HOMER1: variants seen among roughly 807,000 people sequenced by gnomAD.
HOMER1 encodes the protein homer protein homolog 1.
HOMER1 carries 3 observed loss-of-function variants against 48.9 expected under a neutral mutation model. The ratio of observed to expected loss-of-function variants is 0.06; its 90% CI spans 0.03 to 0.16. HOMER1 has a LOEUF of 0.16. Among genes scored for constraint, HOMER1 ranks in the 10% least tolerant of loss-of-function variants. HOMER1 has a pLI of 1.00. For synonymous variants in HOMER1, 134 were observed against 146.4 expected (o/e 0.92, Z 0.61); for missense variants, 247 against 411.4 (o/e 0.60, Z 3.46).
In HOMER1 at chr5:79,507,137, C is replaced by T. The variant is rs557667760; in HGVS notation, c.5+5633G>A. ...CTGAGGCAGGAGAAATGCTGGAACC[C>T]GGGAGGCGGAGGTTGCAGTGAGCCA... is the stretch of plus-strand genomic sequence containing the variant. On this transcript the variant is annotated intron_variant, in intron 1 of 8. Coordinates refer to ENST00000334082, the MANE Select transcript of HOMER1 (RefSeq NM_004272.5). Among the ~76,000 whole-genome samples, 142 of 140,272 alleles carry T rather than the reference C, an allele frequency of 1.0e-3. 1 individual carries two copies. Among genetic ancestry groups the T allele is most frequent in the African/African-American group, 2.7e-3 (104 of 37,982 alleles). The allele number at this position is 140,272 out of a possible 152,430, so 92.0% of individuals were successfully genotyped here. A position where few individuals can be genotyped will look rare whatever the true frequency, so the allele number is the denominator to read the frequency against.
intron 2 of HOMER1, among the ~76,000 whole-genome samples, chr5:79,455,331 C>T (rs1480418561): frequency 6.6e-6 from 1 of 152,120 alleles, no homozygotes; most frequent in Non-Finnish European, 1.5e-5. Context: ...TTGTAATCCC[C>T]ATGTGTCAAG....
intron 1 of HOMER1, among the ~76,000 whole-genome samples, chr5:79,495,091 C>T (rs934168057): frequency 6.6e-6 from 1 of 152,040 alleles, no homozygotes; most frequent in Admixed American, 6.6e-5. Context: ...ACAAAGAATA[C>T]ATGTAATTTT....
At chr5:79,398,861 T>C (rs1749463823) in intron 6 of HOMER1, among the ~76,000 whole-genome samples, 1 of 152,156 alleles carries the variant, frequency 6.6e-6, no homozygotes, top group Non-Finnish European at 1.5e-5. Context: ...AACTAGAATG[T>C]CCTCTCTTGC....
At chr5:79,477,998 G>A (rs185068158) in intron 1 of HOMER1, among the ~76,000 whole-genome samples, 3 of 152,092 alleles carry the variant, frequency 2.0e-5, no homozygotes, top group African/African-American at 7.2e-5. Flanking sequence ...GGTACAATAA[G>A]TTATTATTTT....
In HOMER1 at chr5:79,514,094, C is replaced by T. The variant is rs952601225; in HGVS notation, c.-1320G>A. On this transcript the variant is annotated 5_prime_UTR_variant, in exon 1 of 9. Transcript: ENST00000334082. ...GGCAGAGAAGAGGGTGCTGCTTTCC[C>T]GGTCAGCGCCGCCGGCGTGAAGCTA... 16 of 152,150 alleles carry T rather than the reference C, an allele frequency of 1.1e-4. No homozygotes were observed. Among genetic ancestry groups the T allele is most frequent in the African/African-American group, 3.9e-4 (16 of 41,430 alleles). 9.4% of individuals were successfully genotyped at this position (152,150 alleles called of 1,614,324 possible).
intron 1 of HOMER1, among the ~76,000 whole-genome samples, chr5:79,505,793 C>G (rs1015272290): frequency 6.6e-6 from 1 of 151,972 alleles, no homozygotes; most frequent in African/African-American, 2.4e-5. Context: ...TTTTCTGATA[C>G]AAGACAGAAA....
chr5:79,380,466 T>G (rs1236334044), intron 8 of HOMER1, among the ~76,000 whole-genome samples: 2 of 152,142 alleles, frequency 1.3e-5, no homozygotes, highest in Non-Finnish European at 2.9e-5. Context: ...CCAGGCTGAG[T>G]GCCATCGAGG....
chr5:79,398,432 GT>G (rs1326347899), intron 6 of HOMER1, among the ~76,000 whole-genome samples: 3 of 151,832 alleles, frequency 2.0e-5, no homozygotes, highest in South Asian at 2.1e-4. Context: ...AAGAAACAGA[GT>G]AAATCCCTCT....
chr5:79,453,243 C>T lies in HOMER1; in HGVS notation c.163-2122G>A, dbSNP rs376926781. Among the ~76,000 whole-genome samples, 417 of 152,212 alleles carry T rather than the reference C, an allele frequency of 2.7e-3. 1 individual carries two copies. The highest frequency in any genetic ancestry group is 9.4e-3 in the African/African-American group (391 of 41,538). ...TAGATTTGCTGGTCCTGAGGGGGCA[C>T]ATCTGAACTGGGATCTCTGTGTTTT... is the stretch of plus-strand genomic sequence containing the variant. On this transcript the variant is annotated intron_variant, in intron 2 of 8. Coordinates refer to ENST00000334082, the MANE Select transcript of HOMER1 (RefSeq NM_004272.5).
chr5:79,456,646 T>C (rs937231624), intron 2 of HOMER1, among the ~76,000 whole-genome samples: 2 of 152,220 alleles, frequency 1.3e-5, no homozygotes, highest in African/African-American at 4.8e-5. Flanking sequence ...CTCAAATTTG[T>C]AGAATATTTT....
At chr5:79,471,362 T>C (rs528657700) in intron 1 of HOMER1, among the ~76,000 whole-genome samples, 1 of 151,670 alleles carries the variant, frequency 6.6e-6, no homozygotes, top group Non-Finnish European at 1.5e-5. Flanking sequence ...CTGACCAACA[T>C]GGTGAAACCC....
intron 5 of HOMER1, among the ~76,000 whole-genome samples, chr5:79,411,042 T>G (rs1749801681): frequency 6.6e-6 from 1 of 152,170 alleles, no homozygotes; most frequent in Non-Finnish European, 1.5e-5. Flanking sequence ...AACCAATTCT[T>G]TATTCTTGTG....
intron 1 of HOMER1, among the ~76,000 whole-genome samples, chr5:79,496,390 C>T (rs951725164): frequency 6.6e-6 from 1 of 152,194 alleles, no homozygotes; most frequent in African/African-American, 2.4e-5. Context: ...TCCTGGCTTT[C>T]AGATTACAGC....
chr5:79,481,166 C>A (rs1751933786), intron 1 of HOMER1, among the ~76,000 whole-genome samples: 1 of 152,152 alleles, frequency 6.6e-6, no homozygotes, highest in African/African-American at 2.4e-5. Flanking sequence ...TCCAAATAAA[C>A]ACTCTCATAG....
At chr5:79,512,134 G>C (rs1012627544) in intron 1 of HOMER1, among the ~76,000 whole-genome samples, 2 of 152,142 alleles carry the variant, frequency 1.3e-5, no homozygotes, top group Admixed American at 6.5e-5. Context: ...GCTTAAAAGC[G>C]AAAAACAAAA....
intron 1 of HOMER1, among the ~76,000 whole-genome samples, chr5:79,498,371 G>A (rs1460005290): frequency 1.3e-5 from 2 of 152,172 alleles, no homozygotes; most frequent in Admixed American, 6.5e-5. Context: ...ACTCCAGCCT[G>A]GGCAACAAGA....
intron 8 of HOMER1, among the ~76,000 whole-genome samples, chr5:79,396,607 C>T (rs1240547318): frequency 6.6e-6 from 1 of 151,746 alleles, no homozygotes; most frequent in African/African-American, 2.4e-5. Context: ...AAATAATTTA[C>T]AATTTATAAA....
chr5:79,454,863 A>G (rs1290847788), intron 2 of HOMER1, among the ~76,000 whole-genome samples: 1 of 152,196 alleles, frequency 6.6e-6, no homozygotes, highest in Admixed American at 6.5e-5. Flanking sequence ...ATTACTATAT[A>G]CACTGTGCTT....
At chr5:79,388,188 A>T (rs1414578217) in intron 8 of HOMER1, among the ~76,000 whole-genome samples, 2 of 152,242 alleles carry the variant, frequency 1.3e-5, no homozygotes, top group Non-Finnish European at 2.9e-5. Flanking sequence ...TTGAGGAGGT[A>T]GTCTTAGAAA....
Sources: gnomAD v4.1 joint callset for allele counts (sites outside exome capture counted in the v4.1 genomes callset) on GRCh38, gnomAD v4.1.1 for gene constraint, MANE v1.5 for transcripts, NCBI Gene and HGNC (gene_info 2026-07-23, HGNC 2026-07-21) for gene names.